NRXN3: variants seen among roughly 807,000 people sequenced by gnomAD.
NRXN3 encodes the protein neurexin III.
NRXN3 carries 32 observed loss-of-function variants against 137.6 expected under a neutral mutation model. The ratio of observed to expected loss-of-function variants is 0.23; its 90% CI spans 0.18 to 0.31. The LOEUF (loss-of-function observed/expected upper bound fraction) is 0.31, where lower values mean the gene tolerates loss of function less well. Ranked by LOEUF, NRXN3 falls within the 10% of genes least tolerant of loss-of-function variation. The pLI is 1.00. For synonymous variants in NRXN3, 798 were observed against 784.5 expected, an observed-to-expected ratio of 1.02 and a Z score of -0.29; for missense variants, 1,574 against 2,062.5, an observed-to-expected ratio of 0.76 and a Z score of 4.59.
At chr14:78,901,569 A>G (rs2099196639) in intron 10 of NRXN3, among the ~76,000 whole-genome samples, 1 of 152,070 alleles carries the variant, frequency 6.6e-6, no homozygotes, top group African/African-American at 2.4e-5. Flanking sequence ...TGTCAACTGC[A>G]GTTCATTCTG....
intron 15 of NRXN3, among the ~76,000 whole-genome samples, chr14:79,366,104 G>A (rs1377221813): frequency 6.6e-6 from 1 of 152,056 alleles, no homozygotes; most frequent in African/African-American, 2.4e-5. Context: ...TTCAGTCCGG[G>A]ATACTTGGGA....
chr14:79,128,027 G>A (rs1438949752), intron 15 of NRXN3, among the ~76,000 whole-genome samples: 2 of 151,020 alleles, frequency 1.3e-5, no homozygotes, highest in South Asian at 4.2e-4. Flanking sequence ...CATTGATTTT[G>A]TATCCTGAGA....
At chr14:79,479,536 T>C (rs2096588712) in intron 16 of NRXN3, among the ~76,000 whole-genome samples, 1 of 151,880 alleles carries the variant, frequency 6.6e-6, no homozygotes. Flanking sequence ...ATAATATATA[T>C]GTAATATATG....
intron 16 of NRXN3, among the ~76,000 whole-genome samples, chr14:79,647,237 AT>A (rs1291888500): frequency 7.4e-6 from 1 of 135,526 alleles, no homozygotes; most frequent in Admixed American, 7.9e-5. Context: ...AACGAAAATA[AT>A]TTTTTTCACT....
At chr14:79,185,679 A>T (rs1597008763) in intron 15 of NRXN3, among the ~76,000 whole-genome samples, 2 of 151,932 alleles carry the variant, frequency 1.3e-5, no homozygotes. Flanking sequence ...GTTAGCCAGG[A>T]TGGTCTCGAT....
At chr14:78,704,145 T>G (rs554871310) in intron 6 of NRXN3, among the ~76,000 whole-genome samples, 1 of 152,354 alleles carries the variant, frequency 6.6e-6, no homozygotes, top group East Asian at 1.9e-4. Context: ...TTTATTCTCA[T>G]GCACCTGCCT....
rs115739673 is a variant in NRXN3, at chr14:78,402,143, T to A, written c.757+104283T>A. ...GGATCTATGTGTGTTCTTCTGAATA[T>A]TGAAAAAATGAGGAAAATGGTACTT... On this transcript the variant is annotated intron_variant, in intron 4 of 20. Coordinates refer to ENST00000335750, the MANE Select transcript of NRXN3 (RefSeq NM_001330195.2). Among the ~76,000 whole-genome samples the A allele has an allele frequency of 6.6e-3, 1,012 of 152,306 alleles. 10 individuals carry two copies. Among genetic ancestry groups the A allele is most frequent in the African/African-American group, 0.023 (956 of 41,586 alleles).
intron 10 of NRXN3, among the ~76,000 whole-genome samples, chr14:78,917,502 T>C (rs2152809554): frequency 6.6e-6 from 1 of 152,334 alleles, no homozygotes; most frequent in South Asian, 2.1e-4. Flanking sequence ...GAGGACTATA[T>C]ATAGCCTTAT....
intron 8 of NRXN3, among the ~76,000 whole-genome samples, chr14:78,798,331 A>G (rs2098828448): frequency 6.6e-6 from 1 of 152,198 alleles, no homozygotes; most frequent in Admixed American, 6.5e-5. Context: ...AAATCCAGTA[A>G]GTCGGTCATT....
At chr14:78,803,278 C>T (rs2098844953) in intron 8 of NRXN3, among the ~76,000 whole-genome samples, 1 of 152,182 alleles carries the variant, frequency 6.6e-6, no homozygotes, top group Admixed American at 6.5e-5. Context: ...CTATCGCATA[C>T]AGAATTGCAA....
chr14:78,523,643 C>CAAA (rs3036598), intron 4 of NRXN3, among the ~76,000 whole-genome samples: 22 of 77,708 alleles, frequency 2.8e-4, no homozygotes, highest in African/African-American at 5.4e-4. Flanking sequence ...ACTACAAATA[C>CAAA]AAAAAAAAAA....
chr14:79,794,557 A>G (rs1226741615), intron 19 of NRXN3, among the ~76,000 whole-genome samples: 1 of 152,168 alleles, frequency 6.6e-6, no homozygotes, highest in Non-Finnish European at 1.5e-5. Context: ...CTTCTGGTTC[A>G]AAGGGAGAGC....
At chr14:79,524,616 T>A (rs987094477) in intron 16 of NRXN3, among the ~76,000 whole-genome samples, 11 of 152,184 alleles carry the variant, frequency 7.2e-5, no homozygotes, top group African/African-American at 2.7e-4. Context: ...ACTTTGACAA[T>A]ATTCTCCCCA....
chr14:78,729,548 G>A (rs1033081976), intron 8 of NRXN3, among the ~76,000 whole-genome samples: 6 of 152,170 alleles, frequency 3.9e-5, no homozygotes, highest in Non-Finnish European at 8.8e-5. Flanking sequence ...TTGTTCCTAG[G>A]TGGTGGAGAA....
chr14:79,510,520 C>T (rs987884100), intron 16 of NRXN3, among the ~76,000 whole-genome samples: 3 of 152,102 alleles, frequency 2.0e-5, no homozygotes, highest in East Asian at 1.9e-4. Context: ...GTGTTCTTTA[C>T]GTTAACTGAG....
intron 15 of NRXN3, among the ~76,000 whole-genome samples, chr14:79,180,945 G>A (rs1316457785): frequency 6.6e-6 from 1 of 151,848 alleles, no homozygotes; most frequent in African/African-American, 2.4e-5. Flanking sequence ...TTCTATGTCA[G>A]TCAGTCCAAA....
At chr14:78,660,651 C>CTGGGAT (rs1160137601) in intron 6 of NRXN3, among the ~76,000 whole-genome samples, 1 of 152,120 alleles carries the variant, frequency 6.6e-6, no homozygotes, top group African/African-American at 2.4e-5. Context: ...AAAATCAGAG[C>CTGGGAT]CAAAAGATGG....
chr14:79,007,576 C>A (rs1312439862), intron 15 of NRXN3, among the ~76,000 whole-genome samples: 1 of 151,698 alleles, frequency 6.6e-6, no homozygotes, highest in Non-Finnish European at 1.5e-5. Context: ...GAGGCCAAGG[C>A]AGGCAGATCA....
chr14:79,166,657 G>A (rs1207871811), intron 15 of NRXN3, among the ~76,000 whole-genome samples: 1 of 151,468 alleles, frequency 6.6e-6, no homozygotes, highest in Non-Finnish European at 1.5e-5. Context: ...ATGGGCATTG[G>A]CAGGGTTACC....
Sources: allele counts gnomAD v4.1 joint callset (sites outside exome capture counted in the v4.1 genomes callset), GRCh38; gene constraint gnomAD v4.1.1; transcripts MANE v1.5; gene names NCBI Gene and HGNC (gene_info 2026-07-23, HGNC 2026-07-21).